The following SORBS2 variants were observed in gnomAD, a reference collection of about 807,000 sequenced individuals.
The protein encoded by SORBS2 is sorbin and SH3 domain-containing protein 2.
Under a neutral mutation model 97.7 loss-of-function variants are expected in SORBS2, and 46 were observed. The ratio of observed to expected loss-of-function variants is 0.47; its 90% CI spans 0.37 to 0.60. SORBS2 has a LOEUF of 0.60. Among genes scored for constraint, SORBS2 ranks in the 20% least tolerant of loss-of-function variants. The pLI is 0.00. For synonymous variants in SORBS2, 476 were observed against 473.4 expected, an observed-to-expected ratio of 1.01 and a Z score of -0.07; for missense variants, 1,316 against 1,282.3, an observed-to-expected ratio of 1.03 and a Z score of -0.40.
rs139060966 is a variant in SORBS2 at position 185,649,545 on chromosome 4, G to A, written c.203C>T (p.Ala68Val). 54 of 1,605,136 alleles carry A rather than the reference G, an allele frequency of 3.4e-5. No homozygotes were observed. The African/African-American group carries it at 5.0e-4, about 15-fold the overall frequency. The change falls in exon 3 of 15, where the codon GCG becomes GTG. Residue 68 changes from alanine to valine, a missense_variant. By Grantham distance (64) the Ala-to-Val change is moderately conservative. Coordinates refer to ENST00000418609, the Ensembl canonical transcript of SORBS2. ...ATGTGGGGGAGGCACTGGGGAGGAC[G>A]CATCCTTAAAGGCATTGGGGCTGTT...
At chr4:185,695,998 G>A (rs1308722187) in intron 2 of SORBS2, among the ~76,000 whole-genome samples, 1 of 152,144 alleles carries the variant, frequency 6.6e-6, no homozygotes, top group Non-Finnish European at 1.5e-5. Context: ...TGCTAACAGT[G>A]CCTGAAAATG....
intron 1 of SORBS2, among the ~76,000 whole-genome samples, chr4:185,779,555 T>C (rs565993782): frequency 7.9e-5 from 12 of 152,322 alleles, no homozygotes; most frequent in African/African-American, 2.9e-4. Context: ...CTGAGTGTTG[T>C]TTTACATTTT....
chr4:185,683,313 G>A (rs1020295523), intron 2 of SORBS2, among the ~76,000 whole-genome samples: 10 of 151,954 alleles, frequency 6.6e-5, no homozygotes, highest in African/African-American at 2.4e-4. Context: ...ATGTAGTTCA[G>A]TTTCGACTCT....
intron 1 of SORBS2, among the ~76,000 whole-genome samples, chr4:185,845,870 C>A (rs958678360): frequency 6.6e-6 from 1 of 152,194 alleles, no homozygotes; most frequent in East Asian, 1.9e-4. Flanking sequence ...CACCTTTCAA[C>A]TGGCCAAAAT....
At chr4:185,649,537 G>C (rs1283918943) in exon 3 of SORBS2, 1 of 1,606,696 alleles carries the variant, frequency 6.2e-7, no homozygotes, top group South Asian at 1.1e-5. Context: ...GGAGGCACTG[G>C]GGAGGACGCA....
At chr4:185,892,173 T>C (rs933793100) in intron 1 of SORBS2, among the ~76,000 whole-genome samples, 1 of 152,172 alleles carries the variant, frequency 6.6e-6, no homozygotes, top group Non-Finnish European at 1.5e-5. Flanking sequence ...CTAGAAATCT[T>C]TGAGCATCAA....
At chr4:185,830,693 G>A (rs568591808) in intron 1 of SORBS2, among the ~76,000 whole-genome samples, 3 of 152,158 alleles carry the variant, frequency 2.0e-5, no homozygotes, top group African/African-American at 7.2e-5. Flanking sequence ...TTGGGTTGGT[G>A]CTGTTTGTTG....
intron 2 of SORBS2, chr4:185,740,356 C>T (rs1266203444): frequency 6.6e-6 from 1 of 152,346 alleles, no homozygotes; most frequent in African/African-American, 2.4e-5. Flanking sequence ...GGGAGCTAAA[C>T]TGCTAGAATT....
intron 2 of SORBS2, among the ~76,000 whole-genome samples, chr4:185,694,769 T>A (rs973637196): frequency 2.1e-5 from 3 of 141,734 alleles, no homozygotes; most frequent in African/African-American, 7.7e-5. Context: ...GGCAGTGGCA[T>A]GATCTCGGCT....
intron 1 of SORBS2, among the ~76,000 whole-genome samples, chr4:185,915,149 CT>C (rs1274863387): frequency 6.6e-6 from 1 of 152,190 alleles, no homozygotes; most frequent in African/African-American, 2.4e-5. Flanking sequence ...TATTTTAAAA[CT>C]TTTTTCGGCC....
At chr4:185,778,919 G>A (rs1418853619) in intron 1 of SORBS2, among the ~76,000 whole-genome samples, 1 of 152,094 alleles carries the variant, frequency 6.6e-6, no homozygotes, top group African/African-American at 2.4e-5. Flanking sequence ...CCTCTGTTCC[G>A]GCCTTAAATA....
intron 2 of SORBS2, among the ~76,000 whole-genome samples, chr4:185,742,810 GGC>G (rs1257564727): frequency 2.6e-5 from 4 of 152,284 alleles, no homozygotes; most frequent in Admixed American, 2.6e-4. Context: ...TTAGATTCTG[GGC>G]GTGTCCTAAG....
intron 2 of SORBS2, among the ~76,000 whole-genome samples, chr4:185,696,196 A>T (rs1292085566): frequency 9.2e-5 from 14 of 152,162 alleles, no homozygotes; most frequent in Admixed American, 9.2e-4. Context: ...ATTAGACCAA[A>T]TGTCCTGATA....
chr4:185,872,381 A>G (rs548243483), intron 1 of SORBS2, among the ~76,000 whole-genome samples: 61 of 152,220 alleles, frequency 4.0e-4, no homozygotes, highest in Admixed American at 7.9e-4. Flanking sequence ...CTTAGCTTCC[A>G]TTTTCCTCCA....
At position 185,902,140 on chromosome 4, in the gene SORBS2, T is replaced by G. The variant is rs574396667; in HGVS notation, c.-338+54056A>C. ...GTATTTTAAAAGCATATTAGTATAC[T>G]TCTATCCATTCTTCAAAATCTGGGT... On this transcript the variant is annotated intron_variant, in intron 1 of 20. Coordinates refer to the SORBS2 transcript ENST00000284776. Among the ~76,000 whole-genome samples the G allele has an allele frequency of 2.6e-5, 4 of 152,370 alleles. No homozygotes were observed. In the South Asian group the frequency reaches 8.3e-4, roughly 32 times the overall value.
chr4:185,657,387 A>T, upstream of SORBS2: 3 of 1,476,182 alleles, frequency 2.0e-6, no homozygotes, highest in Non-Finnish European at 2.7e-6. Flanking sequence ...GAGTCTGTGC[A>T]CAGCCCCAGA....
intron 2 of SORBS2, among the ~76,000 whole-genome samples, chr4:185,737,994 C>T (rs1441930922): frequency 2.0e-5 from 3 of 152,184 alleles, no homozygotes; most frequent in Non-Finnish European, 4.4e-5. Flanking sequence ...GTGAAACGGA[C>T]ACACTACGGG....
rs751869734 is a variant in SORBS2 at position 185,669,965 on chromosome 4, TC to T, written c.-45-7724del. On this transcript the variant is annotated intron_variant, in intron 4 of 20. Transcript: ENST00000284776. ...CAAGCGCAGTGGCTCACACCTGTAATCCCAGCACTTTGGGAGGCTGAGGCGG... is the reference window on the plus strand; with the variant it reads ...CAAGCGCAGTGGCTCACACCTGTAATCCAGCACTTTGGGAGGCTGAGGCGG... Among the ~76,000 whole-genome samples the T allele has an allele frequency of 1.2e-3, 180 of 152,300 alleles. 1 individual carries two copies. The highest frequency in any genetic ancestry group is 1.2e-3 in the Non-Finnish European group (85 of 68,034).
chr4:185,713,088 T>A (rs1272352242), intron 2 of SORBS2, among the ~76,000 whole-genome samples: 1 of 151,990 alleles, frequency 6.6e-6, no homozygotes, highest in Non-Finnish European at 1.5e-5. Flanking sequence ...TCACCTCCCA[T>A]CTCCCCTCCT....
Sources: gnomAD v4.1 joint callset for allele counts (sites outside exome capture counted in the v4.1 genomes callset) on GRCh38, gnomAD v4.1.1 for gene constraint, MANE v1.5 for transcripts, NCBI Gene and HGNC (gene_info 2026-07-23, HGNC 2026-07-21) for gene names.